The following ABL2 variants were observed in gnomAD, a reference collection of about 807,000 sequenced individuals.
The protein encoded by ABL2 is tyrosine-protein kinase ABL2.
Under a neutral mutation model 107.7 loss-of-function variants are expected in ABL2, and 49 were observed. The observed-to-expected ratio is 0.45, with a 90% confidence interval of 0.36 to 0.58. ABL2 has a LOEUF of 0.58. Ranked by LOEUF, ABL2 falls within the 20% of genes least tolerant of loss-of-function variation. The probability of loss-of-function intolerance (pLI) is 0.00; values close to 1 mark genes in which losing one functional copy is unlikely to be tolerated. For missense variants in ABL2, 1,245 were observed against 1,457.0 expected (o/e 0.85, Z 2.37); for synonymous variants, 549 against 548.6 (o/e 1.00, Z -0.01).
At chr1:179,113,753 C>G (rs927858426) in intron 9 of ABL2, among the ~76,000 whole-genome samples, 1 of 151,134 alleles carries the variant, frequency 6.6e-6, no homozygotes, top group Non-Finnish European at 1.5e-5. Context: ...ACGGTGAAAC[C>G]CCGTCTCTAC....
At chr1:179,196,564 A>G (rs1010023402) in intron 1 of ABL2, 1 of 152,224 alleles carries the variant, frequency 6.6e-6, no homozygotes, top group Admixed American at 6.5e-5. Flanking sequence ...TTCCAGGACC[A>G]GCCTGGCCAA....
At chr1:179,153,458 C>T (rs1015894076) in intron 1 of ABL2, among the ~76,000 whole-genome samples, 1 of 152,148 alleles carries the variant, frequency 6.6e-6, no homozygotes, top group African/African-American at 2.4e-5. Context: ...GAATCCATTC[C>T]TTGCCCCTTC....
Position 179,197,063 on chromosome 1 carries a change from T to C in ABL2, c.157+32178A>G, listed in dbSNP as rs528677385. ...GAAGTTATGCAACATGAGGACAGAATAGAATGTCCAACATATCTAAATACC... is the reference window on the plus strand; with the variant it reads ...GAAGTTATGCAACATGAGGACAGAACAGAATGTCCAACATATCTAAATACC... On this transcript the variant is annotated intron_variant, in intron 1 of 11. Coordinates refer to ENST00000502732, the MANE Select transcript of ABL2 (RefSeq NM_007314.4). Among the ~76,000 whole-genome samples the C allele has an allele frequency of 5.3e-5, 8 of 152,204 alleles. No individual in the cohort carries two copies. The South Asian group carries it at 8.3e-4, about 16-fold the overall frequency.
chr1:179,152,981 A>T (rs1422930271), intron 1 of ABL2, among the ~76,000 whole-genome samples: 1 of 152,224 alleles, frequency 6.6e-6, no homozygotes, highest in African/African-American at 2.4e-5. Flanking sequence ...GAGTTGCAAG[A>T]ACAAGACTAG....
chr1:179,174,009 G>A (rs1287987563), intron 1 of ABL2, among the ~76,000 whole-genome samples: 1 of 152,202 alleles, frequency 6.6e-6, no homozygotes, highest in Non-Finnish European at 1.5e-5. Flanking sequence ...ATGGTTTCTG[G>A]CCGGGTGCGG....
intron 1 of ABL2, among the ~76,000 whole-genome samples, chr1:179,182,280 T>C (rs1198323540): frequency 6.6e-6 from 1 of 152,122 alleles, no homozygotes; most frequent in Non-Finnish European, 1.5e-5. Context: ...TGAAGGTGGC[T>C]GGAGAAAAAA....
intron 1 of ABL2, among the ~76,000 whole-genome samples, chr1:179,217,152 G>GGTGT (rs1662607949): frequency 6.7e-6 from 1 of 150,260 alleles, no homozygotes; most frequent in African/African-American, 2.5e-5. Flanking sequence ...AAATTAGCTG[G>GGTGT]GTGTGGTGGC....
chr1:179,149,277 T>G (rs1284209403), intron 1 of ABL2, among the ~76,000 whole-genome samples: 3 of 152,224 alleles, frequency 2.0e-5, no homozygotes, highest in Non-Finnish European at 4.4e-5. Flanking sequence ...TCTTCAATTC[T>G]GTGAAGGCAG....
intron 1 of ABL2, chr1:179,184,666 G>T: frequency 2.1e-6 from 1 of 472,958 alleles, no homozygotes; most frequent in Admixed American, 2.9e-5. Flanking sequence ...AGGGAAGGAA[G>T]GACAGTAGGG....
rs1056914654 is a variant in ABL2 at position 179,174,908 on chromosome 1, A to G, written c.158-41534T>C. ...GAGACTCTGTCTCAAAAAAAAAAAA[A>G]TAAAATAAAAAAAATAATAATAATA... On this transcript the variant is annotated intron_variant, in intron 1 of 11. Transcript: ENST00000502732. Among the ~76,000 whole-genome samples the G allele has an allele frequency of 1.7e-5, 2 of 120,916 alleles. 1 individual carries two copies. The highest frequency in any genetic ancestry group is 6.0e-5 in the African/African-American group (2 of 33,350). 79.3% of individuals were successfully genotyped at this position (120,916 alleles called of 152,430 possible).
At chr1:179,138,390 C>T (rs532512627) in intron 1 of ABL2, among the ~76,000 whole-genome samples, 49 of 152,272 alleles carry the variant, frequency 3.2e-4, no homozygotes, top group African/African-American at 1.1e-3. Context: ...CGAGCCACCG[C>T]GCCCAGCCTG....
chr1:179,198,693 CAAAAAAAAAAAAAAA>C (rs534990752), intron 1 of ABL2, among the ~76,000 whole-genome samples: 1 of 34,944 alleles, frequency 2.9e-5, no homozygotes, highest in African/African-American at 1.3e-4. Context: ...ACTCCATCTC[CAAAAAAAAAAAAAAA>C]AAAAAAAACA....
intron 3 of ABL2, among the ~76,000 whole-genome samples, chr1:179,129,483 C>A (rs558203014): frequency 2.0e-5 from 3 of 152,154 alleles, no homozygotes; most frequent in Admixed American, 2.0e-4. Flanking sequence ...GAGTTCGAGG[C>A]CATCCTGACC....
At chr1:179,112,142 TCTCA>T (rs1489921699) in intron 10 of ABL2, among the ~76,000 whole-genome samples, 163 bp downstream of exon 10, 4 of 152,228 alleles carry the variant, frequency 2.6e-5, no homozygotes, top group Non-Finnish European at 4.4e-5. Flanking sequence ...GTTCATAATT[TCTCA>T]CTATTATAAA....
intron 1 of ABL2, among the ~76,000 whole-genome samples, chr1:179,220,478 A>G (rs1662811578): frequency 6.6e-6 from 1 of 152,226 alleles, no homozygotes; most frequent in Non-Finnish European, 1.5e-5. Flanking sequence ...CGCACAGGAC[A>G]GTGCCTTGTT....
intron 1 of ABL2, among the ~76,000 whole-genome samples, chr1:179,167,828 A>G (rs1202465025): frequency 1.3e-5 from 2 of 152,192 alleles, no homozygotes; most frequent in African/African-American, 4.8e-5. Context: ...AAAAAATACA[A>G]AACTCTGCGG....
intron 1 of ABL2, among the ~76,000 whole-genome samples, chr1:179,185,139 T>C (rs1265315627): frequency 2.0e-5 from 3 of 152,174 alleles, no homozygotes; most frequent in Non-Finnish European, 2.9e-5. Flanking sequence ...CCAATATGCA[T>C]CTGTCTACTT....
chr1:179,214,621 T>C (rs1375119709), intron 1 of ABL2, among the ~76,000 whole-genome samples: 2 of 148,766 alleles, frequency 1.3e-5, no homozygotes, highest in African/African-American at 2.5e-5. Flanking sequence ...ATTAATACAA[T>C]GGAAAAACAT....
chr1:179,229,167 T>TCCCCCCCCCCCCCCCCCCCCCCCCCCCCC, intron 1 of ABL2, 74 bp downstream of exon 1: 5 of 402,572 alleles, frequency 1.2e-5, no homozygotes, highest in East Asian at 6.5e-5. Context: ...GGGCAGCCCG[T>TCCCCCCCCCCCCCCCCCCCCCCCCCCCCC]CCGCCACCCA....
Sources: allele counts gnomAD v4.1 joint callset (sites outside exome capture counted in the v4.1 genomes callset), GRCh38; gene constraint gnomAD v4.1.1; transcripts MANE v1.5; gene names NCBI Gene and HGNC (gene_info 2026-07-23, HGNC 2026-07-21).